HOXB9: variants seen among roughly 807,000 people sequenced by gnomAD.
HOXB9 encodes the protein homeobox protein Hox-B9.
In HOXB9, 10 loss-of-function variants were observed where a neutral mutation model predicts 21.5. That is an observed-to-expected ratio of 0.47 (90% CI 0.29 to 0.79). The LOEUF (loss-of-function observed/expected upper bound fraction) is 0.79. HOXB9 is among the 30% of genes least tolerant of loss of function. HOXB9 has a pLI of 0.10. For synonymous variants in HOXB9, 156 were observed against 151.2 expected (o/e 1.03, Z -0.23); for missense variants, 375 against 338.7 (o/e 1.11, Z -0.84).
intron 1 of HOXB9, 96 bp downstream of exon 1, chr17:48,625,657 A>C: frequency 5.9e-6 from 8 of 1,344,872 alleles, no homozygotes; most frequent in South Asian, 5.7e-5. Flanking sequence ...CCACCGCCGC[A>C]GTTTCCCTTC....
chr17:48,625,875 C>A lies in HOXB9; in HGVS notation c.395G>T (p.Gly132Val). 1 of 1,608,560 alleles carries A rather than the reference C, an allele frequency of 6.2e-7. No individual in the cohort carries two copies. Reference protein sequence around the residue: ...LGAPGELLKQGTPEYSLETSA... With the variant: ...LGAPGELLKQVTPEYSLETSA... ...AGTTTCCAAACTGTACTCGGGCGTG[C>A]CCTGTTTGAGCAGCTCCCCAGGCGC... Residue 132 changes from glycine to valine, a missense_variant, in exon 1 of 2, where the codon GGC becomes GTC. Coordinates refer to ENST00000311177, the MANE Select transcript of HOXB9 (RefSeq NM_024017.5).
Position 48,622,532 on chromosome 17 carries a change from T to A in HOXB9, c.*368A>T. ...TAGAGTTGGAGTGTCCCTGGGTGAC[T>A]TTTGGGTGGGTGTAGAGAAGAAACA... On this transcript the variant is annotated 3_prime_UTR_variant, in exon 2 of 2. Transcript: ENST00000311177. The A allele has an allele frequency of 1.8e-5, 4 of 226,010 alleles. No individual in the cohort carries two copies. The highest frequency in any genetic ancestry group is 8.8e-6 in the Non-Finnish European group (1 of 114,064). The allele number at this position is 226,010 out of a possible 1,614,324, so 14.0% of individuals were successfully genotyped here. A position where few individuals can be genotyped will look rare whatever the true frequency, so the allele number is the denominator to read the frequency against.
chr17:48,626,058 G>C lies in HOXB9; in HGVS notation c.212C>G (p.Ser71Cys). ...ASWAPLSPHA[S>C]GSLPSVYHPY... ...GTGGTAGACGGACGGCAGGCTCCCG[G>C]ACGCGTGCGGGCTCAGCGGCGCCCA... The change falls in exon 1 of 2, where the codon TCC (serine) becomes TGC (cysteine). Residue 71 changes from serine to cysteine, a missense_variant. Coordinates refer to ENST00000311177, the MANE Select transcript of HOXB9 (RefSeq NM_024017.5). 1 of 1,578,424 alleles carries C rather than the reference G, an allele frequency of 6.3e-7. No individual in the cohort carries two copies. Among genetic ancestry groups the C allele is most frequent in the East Asian group, 2.3e-5 (1 of 44,044 alleles).
Position 48,626,222 on chromosome 17 carries a change from T to C in HOXB9, c.48A>G (p.Ile16Met). 6.3e-7 allele frequency: 1 copy of C among 1,598,732 alleles called. No homozygotes were observed. The highest frequency in any genetic ancestry group is 1.7e-4 in the Middle Eastern group (1 of 6,046). ...GAGGCGCGTCCTCACTCTCGTGACT[T>C]ATGATCGAGTCGACATAATAGCTGC... ...TLSSYYVDSI[I>M]SHESEDAPPA... The change falls in exon 1 of 2, where the codon ATA becomes ATG. Residue 16 changes from isoleucine to methionine, a missense_variant. Coordinates refer to ENST00000311177, the MANE Select transcript of HOXB9 (RefSeq NM_024017.5).
chr17:48,622,515 GA>G lies in HOXB9; in HGVS notation c.*384del. The G allele has an allele frequency of 4.8e-6, 1 of 207,058 alleles. No homozygotes were observed. Among genetic ancestry groups the G allele is most frequent in the Non-Finnish European group, 9.8e-6 (1 of 101,902 alleles). 12.8% of individuals were successfully genotyped at this position (207,058 alleles called of 1,614,324 possible). Reference sequence around the variant, plus strand: ...ATGTCTGCTGAGCTGTGTAGAGTTGGAGTGTCCCTGGGTGACTTTTGGGTGG... The same window carrying G: ...ATGTCTGCTGAGCTGTGTAGAGTTGGGTGTCCCTGGGTGACTTTTGGGTGG... On this transcript the variant is annotated 3_prime_UTR_variant, in exon 2 of 2. Coordinates refer to ENST00000311177, the MANE Select transcript of HOXB9 (RefSeq NM_024017.5).
At chr17:48,623,199 G>C in intron 1 of HOXB9, 64 bp from the exon 2 acceptor site, 1 of 1,324,018 alleles carries the variant, frequency 7.6e-7, no homozygotes, top group Non-Finnish European at 1.1e-6. Flanking sequence ...GATCAAGAGG[G>C]CACTCCCTTG....
chr17:48,624,308 G>A (rs1212081147), intron 1 of HOXB9, among the ~76,000 whole-genome samples: 1 of 152,154 alleles, frequency 6.6e-6, no homozygotes. Context: ...GTGATTGCCT[G>A]GGATGGGACC....
At chr17:48,624,485 C>T (rs1254262110) in intron 1 of HOXB9, among the ~76,000 whole-genome samples, 1 of 152,068 alleles carries the variant, frequency 6.6e-6, no homozygotes, top group African/African-American at 2.4e-5. Flanking sequence ...TCCCTAAATG[C>T]CAGCTCTTAG....
rs1234990920 is a variant in HOXB9, at chr17:48,623,085, A to G, written c.568T>C (p.Cys190Arg). The change falls in exon 2 of 2, where the codon TGT (cysteine) becomes CGT (arginine). Residue 190 changes from cysteine to arginine, a missense_variant. Transcript: ENST00000311177. Reference sequence around the variant, plus strand: ...AGCGTCTGGTATTTGGTGTAGGGACAGCGCTTTTTCCGGGAAGAGCGAGCG... The same window carrying G: ...AGCGTCTGGTATTTGGTGTAGGGACGGCGCTTTTTCCGGGAAGAGCGAGCG... ...LHARSSRKKR[C>R]PYTKYQTLEL... 18 of 1,614,094 alleles carry G rather than the reference A, an allele frequency of 1.1e-5. No individual in the cohort carries two copies. The highest frequency in any genetic ancestry group is 1.4e-5 in the Non-Finnish European group (17 of 1,179,998).
intron 1 of HOXB9, 52 bp downstream of exon 1, chr17:48,625,701 C>T: frequency 7.0e-7 from 1 of 1,433,534 alleles, no homozygotes; most frequent in Non-Finnish European, 9.2e-7. Flanking sequence ...TTCCCCTCCC[C>T]GCCCCCCTCC....
In HOXB9 at chr17:48,623,222, C is replaced by T. The variant is rs572331919; in HGVS notation, c.518-87G>A. 2.0e-5 allele frequency: 21 copies of T among 1,060,102 alleles called. No homozygotes were observed. In the African/African-American group the frequency reaches 3.0e-4, roughly 15 times the overall value. 65.7% of individuals were successfully genotyped at this position (1,060,102 alleles called of 1,614,324 possible). Reference sequence around the variant, plus strand: ...GGGCACTCCCTTGGTCTCCACTCCCCATCTTGCACTGGAGAAGAGGCCACC... The same window carrying T: ...GGGCACTCCCTTGGTCTCCACTCCCTATCTTGCACTGGAGAAGAGGCCACC... On this transcript the variant is annotated intron_variant, in intron 1 of 1. Coordinates refer to ENST00000311177, the MANE Select transcript of HOXB9 (RefSeq NM_024017.5).
chr17:48,624,326 G>A (rs778276117), intron 1 of HOXB9, among the ~76,000 whole-genome samples: 3 of 152,138 alleles, frequency 2.0e-5, no homozygotes, highest in African/African-American at 4.8e-5. Flanking sequence ...ACCCGCAGCC[G>A]CATTAAATAT....
At chr17:48,625,497 T>G (rs967570505) in intron 1 of HOXB9, among the ~76,000 whole-genome samples, 2 of 152,146 alleles carry the variant, frequency 1.3e-5, no homozygotes, top group African/African-American at 4.8e-5. Context: ...GAGCTGCAAG[T>G]CGATCCCCGA....
At chr17:48,625,632 C>T (rs2070805983) in intron 1 of HOXB9, 121 bp downstream of exon 1, 2 of 1,247,302 alleles carry the variant, frequency 1.6e-6, no homozygotes, top group Middle Eastern at 2.8e-4. Context: ...CTCCTCCTCC[C>T]GGCCCGCTCT....
At position 48,622,807 on chromosome 17, in the gene HOXB9, A is replaced by C. The variant is rs1567984526; in HGVS notation, c.*93T>G. On this transcript the variant is annotated 3_prime_UTR_variant, in exon 2 of 2. Transcript: ENST00000311177. ...AGAGACTCCCTTCCCCATTCACTTG[A>C]ATACATCCCAGACAGCACTGGCTTT... 1.1e-6 allele frequency: 1 copy of C among 899,524 alleles called. No individual in the cohort carries two copies. The highest frequency in any genetic ancestry group is 2.5e-5 in the East Asian group (1 of 40,776). The allele number at this position is 899,524 out of a possible 1,614,324, so 55.7% of individuals were successfully genotyped here. A position where few individuals can be genotyped will look rare whatever the true frequency, so the allele number is the denominator to read the frequency against.
Position 48,625,987 on chromosome 17 carries a change from G to A in HOXB9, c.283C>T (p.Leu95Phe), listed in dbSNP as rs2070811750. 6.5e-7 allele frequency: 1 copy of A among 1,545,086 alleles called. No individual in the cohort carries two copies. ...QGVPPAESRY[L>F]RTWLEPAPRG... Reference sequence around the variant, plus strand: ...GGCGCCGGCTCCAGCCAGGTGCGGAGGTACCTGCTCTCGGCCGGCGGGACG... The same window carrying A: ...GGCGCCGGCTCCAGCCAGGTGCGGAAGTACCTGCTCTCGGCCGGCGGGACG... The change falls in exon 1 of 2, where the codon CTC (leucine) becomes TTC (phenylalanine). Residue 95 changes from leucine (L) to phenylalanine (F), a missense_variant. Leu to Phe is a conservative substitution (Grantham distance 22, BLOSUM62 0). Coordinates refer to ENST00000311177, the MANE Select transcript of HOXB9 (RefSeq NM_024017.5).
At position 48,625,750 on chromosome 17, in the gene HOXB9, T is replaced by C. The variant is rs376332007; in HGVS notation, c.517+3A>G. The C allele has an allele frequency of 2.8e-5, 44 of 1,563,806 alleles. No homozygotes were observed. Among genetic ancestry groups the C allele is most frequent in the Non-Finnish European group, 3.8e-5 (44 of 1,155,114 alleles). ...GGGTATTTCCTCACTTTTTATAACT[T>C]ACTTTGATCCGGCCTCTCTTTGTCC... On this transcript the variant is annotated splice_donor_region_variant and intron_variant, in intron 1 of 1. Transcript: ENST00000311177.
rs1311792942 is a variant in HOXB9 at position 48,626,333 on chromosome 17, G to A, written c.-64C>T. ...GCGCTCGCGCGGCGGCGCCCAAGCA[G>A]GGAGAGGTGGCACCCGGACCGGTGT... On this transcript the variant is annotated 5_prime_UTR_variant, in exon 1 of 2. Transcript: ENST00000311177. 4 of 1,510,164 alleles carry A rather than the reference G, an allele frequency of 2.6e-6. No homozygotes were observed. In the South Asian group the frequency reaches 3.8e-5, roughly 14 times the overall value. The allele number at this position is 1,510,164 out of a possible 1,614,324, so 93.5% of individuals were successfully genotyped here.
chr17:48,625,865 C>T lies in HOXB9; in HGVS notation c.405G>A (p.Glu135=), dbSNP rs2070809085. The change falls in exon 1 of 2, where the codon GAG becomes GAA. Residue 135 remains glutamate, a synonymous_variant. Transcript: ENST00000311177. The part of the protein sequence containing the change: ...PGELLKQGTP[E]YSLETSAGRE... ...TGCCCGCCGAAGTTTCCAAACTGTA[C>T]TCGGGCGTGCCCTGTTTGAGCAGCT... 1 of 1,611,394 alleles carries T rather than the reference C, an allele frequency of 6.2e-7. No homozygotes were observed. Among genetic ancestry groups the T allele is most frequent in the Non-Finnish European group, 8.5e-7 (1 of 1,179,242 alleles).
Sources: allele counts gnomAD v4.1 joint callset (sites outside exome capture counted in the v4.1 genomes callset), GRCh38; gene constraint gnomAD v4.1.1; transcripts MANE v1.5; gene names NCBI Gene and HGNC (gene_info 2026-07-23, HGNC 2026-07-21).